Variants in GGTA1 observed in about 807,000 individuals in gnomAD.
The protein encoded by GGTA1 is glycoprotein alpha-galactosyltransferase 1 (inactive), also known as inactive N-acetyllactosaminide alpha-1,3-galactosyltransferase.
Under a neutral mutation model 2.6 loss-of-function variants are expected in GGTA1, and 5 were observed. The ratio of observed to expected loss-of-function variants is 1.92; its 90% CI spans 1.00 to 4.04. The LOEUF is 4.04. Ranked by LOEUF, GGTA1 falls within the 30% of genes most tolerant of loss-of-function variation. GGTA1 has a pLI of 0.00. For synonymous variants in GGTA1, 17 were observed against 5.0 expected (o/e 3.38, Z -3.19); for missense variants, 50 against 16.7 (o/e 2.99, Z -3.47).
At chr9:121,479,716 A>T (rs1828596355) in intron 1 of GGTA1, among the ~76,000 whole-genome samples, 1 of 152,106 alleles carries the variant, frequency 6.6e-6, no homozygotes, top group Non-Finnish European at 1.5e-5. Context: ...ACACAAACAC[A>T]CACACACCAC....
chr9:121,479,816 A>G (rs1389075066), intron 1 of GGTA1, among the ~76,000 whole-genome samples: 1 of 152,210 alleles, frequency 6.6e-6, no homozygotes, highest in Non-Finnish European at 1.5e-5. Context: ...CTTCCTCTAC[A>G]TCTTTTAGGC....
chr9:121,460,764 G>A (rs1410141370), intron 4 of GGTA1, among the ~76,000 whole-genome samples: 2 of 152,140 alleles, frequency 1.3e-5, no homozygotes, highest in Non-Finnish European at 1.5e-5. Flanking sequence ...AGGATCACTT[G>A]AACCAAGGAG....
intron 1 of GGTA1, among the ~76,000 whole-genome samples, chr9:121,484,976 C>T (rs1828728837): frequency 6.6e-6 from 1 of 152,170 alleles, no homozygotes; most frequent in South Asian, 2.1e-4. Flanking sequence ...AAGGAACAGC[C>T]AGTGTTTCTC....
chr9:121,467,085 A>G (rs777476787), intron 2 of GGTA1, among the ~76,000 whole-genome samples: 10 of 152,160 alleles, frequency 6.6e-5, no homozygotes, highest in Non-Finnish European at 1.2e-4. Context: ...GTACAACTCA[A>G]TTGTACAGTA....
chr9:121,449,548 G>A (rs755184066), intron 7 of GGTA1, among the ~76,000 whole-genome samples: 13 of 152,048 alleles, frequency 8.5e-5, no homozygotes, highest in Non-Finnish European at 1.6e-4. Context: ...AGCATTGCAC[G>A]CCATCTCCCA....
At chr9:121,453,950 A>T (rs372881601), downstream of GGTA1, among the ~76,000 whole-genome samples, 3 of 151,808 alleles carry the variant, frequency 2.0e-5, no homozygotes, top group African/African-American at 4.8e-5. Flanking sequence ...TCTTGAGCTG[A>T]CTCTGCCCTC....
chr9:121,459,826 C>G (rs557582484), intron 5 of GGTA1, among the ~76,000 whole-genome samples: 20 of 152,362 alleles, frequency 1.3e-4, no homozygotes, highest in Non-Finnish European at 2.5e-4. Context: ...AGACCATGAA[C>G]TTCTCAAATA....
chr9:121,482,765 T>A (rs1828679286), intron 1 of GGTA1, among the ~76,000 whole-genome samples: 1 of 151,922 alleles, frequency 6.6e-6, no homozygotes, highest in South Asian at 2.1e-4. Context: ...CAAAACTCCA[T>A]CTCAAAAAAA....
intron 1 of GGTA1, among the ~76,000 whole-genome samples, chr9:121,480,007 T>C (rs1828606319): frequency 1.3e-5 from 2 of 152,066 alleles, no homozygotes; most frequent in African/African-American, 4.8e-5. Context: ...ATCTTGCAGC[T>C]GGAAGGGACC....
chr9:121,489,545 T>C (rs926367133), intron 1 of GGTA1, among the ~76,000 whole-genome samples: 1 of 152,232 alleles, frequency 6.6e-6, no homozygotes, highest in Non-Finnish European at 1.5e-5. Context: ...TGGAAAATAC[T>C]ATACATCAAT....
downstream of GGTA1, among the ~76,000 whole-genome samples, chr9:121,452,637 G>A (rs1283667782): frequency 6.6e-6 from 1 of 152,034 alleles, no homozygotes; most frequent in African/African-American, 2.4e-5. Flanking sequence ...TCCTGCCTCA[G>A]CCTCTCAAGT....
chr9:121,469,586 A>G (rs750341594), intron 1 of GGTA1, among the ~76,000 whole-genome samples: 1 of 152,182 alleles, frequency 6.6e-6, no homozygotes, highest in Non-Finnish European at 1.5e-5. Context: ...GAGGTGGCAG[A>G]CTACTCTGAT....
At chr9:121,465,342 C>G (rs1416446843) in intron 2 of GGTA1, among the ~76,000 whole-genome samples, 1 of 152,270 alleles carries the variant, frequency 6.6e-6, no homozygotes, top group Non-Finnish European at 1.5e-5. Flanking sequence ...GGTACTTGTT[C>G]TTCTGTTGGA....
At chr9:121,459,806 G>A (rs568576451) in intron 5 of GGTA1, among the ~76,000 whole-genome samples, 2 of 152,210 alleles carry the variant, frequency 1.3e-5, no homozygotes, top group East Asian at 3.9e-4. Flanking sequence ...TCACAGTAAC[G>A]ACCCCTGTGA....
chr9:121,460,479 G>C (rs996963998), intron 4 of GGTA1, among the ~76,000 whole-genome samples: 1 of 152,078 alleles, frequency 6.6e-6, no homozygotes, highest in South Asian at 2.1e-4. Context: ...GGTTATTTCA[G>C]GGGGGGTGAG....
chr9:121,499,350 C>T (rs1029327193), intron 1 of GGTA1, among the ~76,000 whole-genome samples: 2 of 151,760 alleles, frequency 1.3e-5, no homozygotes, highest in African/African-American at 4.9e-5. Flanking sequence ...TCTTCCCCCA[C>T]CCCAACCCCG....
intron 1 of GGTA1, 22 bp downstream of exon 1, chr9:121,499,628 G>A (rs1184191531): frequency 6.6e-6 from 1 of 152,342 alleles, no homozygotes; most frequent in Non-Finnish European, 1.5e-5. Context: ...CGGGGACCTG[G>A]GCGGCTCCCC....
At chr9:121,487,902 G>C (rs1828794579) in intron 1 of GGTA1, among the ~76,000 whole-genome samples, 1 of 152,092 alleles carries the variant, frequency 6.6e-6, no homozygotes, top group Admixed American at 6.5e-5. Context: ...TTTTAGCAGA[G>C]ATGGTGTTTC....
intron 1 of GGTA1, among the ~76,000 whole-genome samples, chr9:121,487,024 C>G (rs1278761448): frequency 2.0e-5 from 3 of 152,100 alleles, no homozygotes. Flanking sequence ...AAAGAAAACT[C>G]TGGGGGAAGA....
Sources: allele counts gnomAD v4.1 joint callset (sites outside exome capture counted in the v4.1 genomes callset), GRCh38; gene constraint gnomAD v4.1.1; transcripts MANE v1.5; gene names NCBI Gene and HGNC (gene_info 2026-07-23, HGNC 2026-07-21).